Variants in NRXN2 observed in about 807,000 individuals in gnomAD.
NRXN2 encodes neurexin-2-beta.
In NRXN2, 29 loss-of-function variants were observed where a neutral mutation model predicts 128.8. The ratio of observed to expected loss-of-function variants is 0.23; its 90% CI spans 0.17 to 0.31. NRXN2 has a LOEUF of 0.31. Among genes scored for constraint, NRXN2 ranks in the 10% least tolerant of loss-of-function variants. The pLI is 1.00. For missense variants in NRXN2, 1,881 were observed against 2,452.6 expected (o/e 0.77, Z 4.92); for synonymous variants, 1,098 against 1,075.2 (o/e 1.02, Z -0.41).
At chr11:64,658,189 T>C (rs1416149844) in intron 11 of NRXN2, among the ~76,000 whole-genome samples, 1 of 152,168 alleles carries the variant, frequency 6.6e-6, no homozygotes, top group African/African-American at 2.4e-5. Context: ...AGGCCCCAGA[T>C]TTTTCCTGCT....
chr11:64,684,521 G>A (rs1431967540), intron 6 of NRXN2, among the ~76,000 whole-genome samples: 4 of 152,106 alleles, frequency 2.6e-5, no homozygotes, highest in Non-Finnish European at 5.9e-5. Flanking sequence ...TAGTCACTGC[G>A]TTCTCCTGGC....
rs948797825 is a variant in NRXN2 at position 64,631,878 on chromosome 11, C to A, written c.3586-1305G>T. On this transcript the variant is annotated intron_variant, in intron 18 of 22. Transcript: ENST00000265459. The surrounding 1 kb of genome is among the most constrained non-coding windows in gnomAD (Gnocchi z 4.8). The stretch of plus-strand genomic sequence containing the variant: ...TGCACCTCCCAGCAGCACTCCTGAA[C>A]GCGGTCTCAGCCCTCCTCCCACACG... 6.6e-6 allele frequency among the ~76,000 whole-genome samples: 1 copy of A among 152,226 alleles called. No individual in the cohort carries two copies. The highest frequency in any genetic ancestry group is 6.5e-5 in the Admixed American group (1 of 15,286).
chr11:64,711,334 G>T (rs1009356933), intron 2 of NRXN2, among the ~76,000 whole-genome samples: 2 of 152,204 alleles, frequency 1.3e-5, no homozygotes, highest in African/African-American at 4.8e-5. Flanking sequence ...GGGAGAGAAC[G>T]TCAGGCCTGA....
chr11:64,606,895 A>C lies in NRXN2; in HGVS notation c.*301T>G, dbSNP rs1420917148. 2 of 372,296 alleles carry C rather than the reference A, an allele frequency of 5.4e-6. No homozygotes were observed. The highest frequency in any genetic ancestry group is 4.1e-5 in the African/African-American group (2 of 49,370). The allele number at this position is 372,296 out of a possible 1,614,324, so 23.1% of individuals were successfully genotyped here. ...CCTTCCTTCCCACCCAACCCCACCA[A>C]AATAAAACTACCCCCTTAAAAAAAT... On this transcript the variant is annotated 3_prime_UTR_variant, in exon 23 of 23. Transcript: ENST00000265459.
At chr11:64,721,857 C>A (rs1402718124) in intron 1 of NRXN2, among the ~76,000 whole-genome samples, 1 of 152,054 alleles carries the variant, frequency 6.6e-6, no homozygotes, top group East Asian at 1.9e-4. Flanking sequence ...GACCCAAGAC[C>A]CACCCCCTAA....
chr11:64,656,723 G>A (rs2048337372), intron 11 of NRXN2, among the ~76,000 whole-genome samples: 1 of 152,072 alleles, frequency 6.6e-6, no homozygotes. Context: ...CTGGGATAGG[G>A]CAAAGAATCC....
At position 64,627,672 on chromosome 11, in the gene NRXN2, G is replaced by A. The variant is rs556501921; in HGVS notation, c.3758-1120C>T. ...TGTGAATGTGTGTGTGTGCACAGAC[G>A]CCTATGTGGAAAGAGGTTTGTCAGT... On this transcript the variant is annotated intron_variant, in intron 19 of 22. Coordinates refer to ENST00000265459, the MANE Select transcript of NRXN2 (RefSeq NM_015080.4). 2.0e-4 allele frequency among the ~76,000 whole-genome samples: 31 copies of A among 152,228 alleles called. No homozygotes were observed. In the South Asian group the frequency reaches 5.8e-3, roughly 29 times the overall value.
chr11:64,687,843 A>G (rs2053270352), intron 5 of NRXN2, among the ~76,000 whole-genome samples: 1 of 152,218 alleles, frequency 6.6e-6, no homozygotes, highest in Admixed American at 6.5e-5. Flanking sequence ...GAAAGTGGAC[A>G]GGGACCTCTA....
intron 22 of NRXN2, among the ~76,000 whole-genome samples, chr11:64,612,385 G>A (rs897414198): frequency 2.6e-5 from 4 of 152,132 alleles, no homozygotes; most frequent in Non-Finnish European, 5.9e-5. Context: ...GCAGCCTCCC[G>A]CCTCTCCCCA....
In NRXN2 at chr11:64,607,667, C is replaced by T. The variant is rs758220644; in HGVS notation, c.4668G>A (p.Pro1556=). ...TTTTGCCCGCCGGCAGGTTGGGGGC[C>T]GGGGCGGAGGGGGCAAACAGCACCC... ...APGVLFAPSA[P]APNLPAGKMN... is the part of the protein sequence containing the mutation. The change falls in exon 23 of 23, where the codon CCG becomes CCA. Residue 1556 remains proline (P), a synonymous_variant. Transcript: ENST00000265459. The T allele has an allele frequency of 8.5e-6, 13 of 1,525,960 alleles. No homozygotes were observed. In the East Asian group the frequency reaches 1.7e-4, roughly 20 times the overall value. The allele number at this position is 1,525,960 out of a possible 1,614,324, so 94.5% of individuals were successfully genotyped here.
At chr11:64,618,035 T>G (rs2041798597) in intron 22 of NRXN2, among the ~76,000 whole-genome samples, 3 of 152,102 alleles carry the variant, frequency 2.0e-5, no homozygotes, top group Non-Finnish European at 4.4e-5. Context: ...TCCTCCACCC[T>G]TCATCCTCTA....
intron 12 of NRXN2, 36 bp from the exon 13 acceptor site, chr11:64,652,190 T>C (rs748364272): frequency 3.1e-6 from 5 of 1,593,622 alleles, no homozygotes; most frequent in South Asian, 1.1e-5. Flanking sequence ...AGGGCACCTA[T>C]ACATGCTCAT....
intron 22 of NRXN2, among the ~76,000 whole-genome samples, chr11:64,616,295 T>A (rs919619604): frequency 1.3e-5 from 2 of 152,190 alleles, no homozygotes; most frequent in Non-Finnish European, 2.9e-5. Context: ...AGTATACTTA[T>A]ACACACATGT....
At chr11:64,619,514 T>C (rs1185757353) in intron 22 of NRXN2, among the ~76,000 whole-genome samples, 3 of 152,060 alleles carry the variant, frequency 2.0e-5, no homozygotes, top group African/African-American at 7.2e-5. Context: ...GGCTGCACCC[T>C]TGGCTCCAGC....
intron 5 of NRXN2, among the ~76,000 whole-genome samples, chr11:64,687,812 G>A (rs562866049): frequency 1.3e-5 from 2 of 152,330 alleles, no homozygotes; most frequent in South Asian, 4.1e-4. Flanking sequence ...AGGTACAGGA[G>A]ATGGGAAGAG....
chr11:64,654,494 C>G (rs2047960754), intron 11 of NRXN2, among the ~76,000 whole-genome samples: 1 of 152,340 alleles, frequency 6.6e-6, no homozygotes, highest in African/African-American at 2.4e-5. Flanking sequence ...TGGGGACAAG[C>G]AGCCACCATA....
intron 5 of NRXN2, among the ~76,000 whole-genome samples, 157 bp from the exon 6 acceptor site, chr11:64,686,104 G>C (rs747944308): frequency 6.6e-6 from 1 of 152,082 alleles, no homozygotes; most frequent in African/African-American, 2.4e-5. Flanking sequence ...CCCTCGGCCT[G>C]TCAACCATCC....
At chr11:64,707,598 A>G (rs922695822) in intron 2 of NRXN2, among the ~76,000 whole-genome samples, 1 of 152,208 alleles carries the variant, frequency 6.6e-6, no homozygotes, top group Non-Finnish European at 1.5e-5. Context: ...TGTACCAGGC[A>G]CTGTTCTAAG....
intron 2 of NRXN2, 62 bp downstream of exon 2, chr11:64,712,908 C>A (rs1371638678): frequency 2.3e-5 from 33 of 1,422,534 alleles, no homozygotes; most frequent in Non-Finnish European, 2.9e-5. Flanking sequence ...CCGACCCCCA[C>A]GAAGCGCCCC....
Sources: gnomAD v4.1 joint callset for allele counts (sites outside exome capture counted in the v4.1 genomes callset) on GRCh38, gnomAD v4.1.1 for gene constraint, Gnocchi (gnomAD v3.1) non-coding constraint, MANE v1.5 for transcripts, NCBI Gene and HGNC (gene_info 2026-07-23, HGNC 2026-07-21) for gene names.